Variants in A2M observed in about 807,000 individuals in gnomAD.
The protein encoded by A2M is alpha-2-macroglobulin, also known as C3 and PZP-like alpha-2-macroglobulin domain-containing protein 5.
A neutral mutation model predicts 183.9 loss-of-function variants in A2M; 128 were observed. The ratio of observed to expected loss-of-function variants is 0.70; its 90% CI spans 0.60 to 0.81. The LOEUF is 0.81. Ranked by LOEUF, A2M falls within the 30% of genes least tolerant of loss-of-function variation. The pLI, the probability that A2M is intolerant of heterozygous loss-of-function variation, is 0.00. For synonymous variants in A2M, 592 were observed against 670.8 expected (o/e 0.88, Z 1.81); for missense variants, 1,495 against 1,787.6 (o/e 0.84, Z 2.95).
intron 22 of A2M, among the ~76,000 whole-genome samples, chr12:9,084,761 G>A (rs565472302): frequency 1.4e-4 from 21 of 152,102 alleles, no homozygotes; most frequent in South Asian, 2.1e-4. Flanking sequence ...AAACAGGACC[G>A]AAACATATGC....
intron 7 of A2M, among the ~76,000 whole-genome samples, chr12:9,109,113 C>T (rs1938530619): frequency 6.6e-6 from 1 of 151,940 alleles, no homozygotes; most frequent in African/African-American, 2.4e-5. Flanking sequence ...CAGTTTCTTA[C>T]CTCATGATAG....
At chr12:9,088,151 T>A (rs226413) in intron 22 of A2M, among the ~76,000 whole-genome samples, 9,715 of 151,722 alleles carry the variant, frequency 0.064, 1,038 homozygotes, top group African/African-American at 0.22. Flanking sequence ...AAATCACACA[T>A]CCACAAACAT....
intron 16 of A2M, 135 bp downstream of exon 16, chr12:9,095,404 A>G: frequency 1.3e-6 from 1 of 796,708 alleles, no homozygotes; most frequent in Non-Finnish European, 1.9e-6. Flanking sequence ...TGCTGCTATT[A>G]GTAGAGAAGC....
At chr12:9,071,499 C>T (rs570734339) in intron 31 of A2M, among the ~76,000 whole-genome samples, 21 of 151,976 alleles carry the variant, frequency 1.4e-4, no homozygotes, top group Non-Finnish European at 2.4e-4. Flanking sequence ...TAGGTAAACT[C>T]GTGTCATGGG....
intron 17 of A2M, among the ~76,000 whole-genome samples, chr12:9,094,649 C>T (rs1949319552): frequency 6.6e-6 from 1 of 152,030 alleles, no homozygotes; most frequent in Non-Finnish European, 1.5e-5. Flanking sequence ...GTGGTTCCAA[C>T]ATAAATATTG....
chr12:9,086,109 C>T (rs980400088), intron 22 of A2M, among the ~76,000 whole-genome samples: 3 of 152,090 alleles, frequency 2.0e-5, no homozygotes, highest in Non-Finnish European at 4.4e-5. Flanking sequence ...CTGCCAAAAG[C>T]TGGAAGAGGA....
At chr12:9,101,342 A>G in intron 12 of A2M, 105 bp downstream of exon 12, 1 of 1,340,580 alleles carries the variant, frequency 7.5e-7, no homozygotes, top group Admixed American at 2.0e-5. Context: ...CAAAAGGAAC[A>G]TGGATAAGAA....
rs1182226845 is a variant in A2M at position 9,072,876 on chromosome 12, TAGAGACAGATGAGTG to T, written c.3757-20_3757-6del. The T allele has an allele frequency of 6.2e-7, 1 of 1,611,632 alleles. No individual in the cohort carries two copies. Among genetic ancestry groups the T allele is most frequent in the South Asian group, 1.1e-5 (1 of 90,940 alleles). On this transcript the variant is annotated splice_polypyrimidine_tract_variant and splice_region_variant and intron_variant, in intron 29 of 35. Coordinates refer to ENST00000318602, the MANE Select transcript of A2M (RefSeq NM_000014.6). ...ATGGAGAGCCACCACTGTGTCCTGT[TAGAGACAGATGAGTG>T]AGAGAACCCATTGGGCATTATAAGG... is the stretch of plus-strand genomic sequence containing the variant.
At chr12:9,097,059 T>C (rs1949402590) in intron 15 of A2M, among the ~76,000 whole-genome samples, 1 of 152,198 alleles carries the variant, frequency 6.6e-6, no homozygotes, top group African/African-American at 2.4e-5. Context: ...GCTTTATTAT[T>C]AATAAATAGG....
chr12:9,068,934 G>T (rs1268386708), intron 33 of A2M, 92 bp from the exon 34 acceptor site: 3 of 865,148 alleles, frequency 3.5e-6, no homozygotes, highest in Non-Finnish European at 5.3e-6. Flanking sequence ...TGGGGGAAAA[G>T]CTTTATTATC....
At chr12:9,099,347 A>G (rs1252683395) in intron 14 of A2M, 34 bp downstream of exon 14, 5 of 1,537,574 alleles carry the variant, frequency 3.3e-6, no homozygotes, top group Non-Finnish European at 4.4e-6. Context: ...TTCTAGTTTT[A>G]CATGTTGAAG....
At chr12:9,094,298 G>A (rs1949300983) in intron 17 of A2M, among the ~76,000 whole-genome samples, 1 of 138,950 alleles carries the variant, frequency 7.2e-6, no homozygotes, top group Non-Finnish European at 1.5e-5. Flanking sequence ...AGGGTGTGCT[G>A]GTCAATATTT....
chr12:9,101,333 A>G, intron 12 of A2M, 114 bp downstream of exon 12: 2 of 1,351,926 alleles, frequency 1.5e-6, no homozygotes, highest in Non-Finnish European at 2.1e-6. Flanking sequence ...TCAAACTTTC[A>G]AAAGGAACAT....
chr12:9,094,340 CATATATAT>C lies in A2M; in HGVS notation c.2125+625_2125+632del, dbSNP rs59647548. Among the ~76,000 whole-genome samples the C allele has an allele frequency of 6.1e-3, 589 of 97,032 alleles. 4 individuals carry two copies. The highest frequency in any genetic ancestry group is 0.027 in the East Asian group (72 of 2,670). 63.7% of individuals were successfully genotyped at this position (97,032 alleles called of 152,430 possible). A position where few individuals can be genotyped will look rare whatever the true frequency, so the allele number is the denominator to read the frequency against. The stretch of plus-strand genomic sequence containing the variant: ...CAGCTCTCTGGAAAAAAAAATTGTG[CATATATAT>C]ATATATATATATATATATATATATA... On this transcript the variant is annotated intron_variant, in intron 17 of 35. Coordinates refer to ENST00000318602, the MANE Select transcript of A2M (RefSeq NM_000014.6).
intron 11 of A2M, among the ~76,000 whole-genome samples, chr12:9,103,065 G>A (rs1938010105): frequency 6.6e-6 from 1 of 151,856 alleles, no homozygotes; most frequent in South Asian, 2.1e-4. Flanking sequence ...AACTTATATT[G>A]GTATGAACAG....
intron 13 of A2M, among the ~76,000 whole-genome samples, chr12:9,100,280 C>A (rs1937725229): frequency 6.6e-6 from 1 of 152,036 alleles, no homozygotes; most frequent in South Asian, 2.1e-4. Flanking sequence ...TACAACATAC[C>A]TTGAAATCGT....
chr12:9,077,235 T>C (rs776925259), intron 27 of A2M, 111 bp downstream of exon 27: 22 of 1,080,886 alleles, frequency 2.0e-5, no homozygotes, highest in Non-Finnish European at 2.8e-5. Flanking sequence ...TGGCATTGCA[T>C]AGAAAGAAAG....
Position 9,106,247 on chromosome 12 carries a change from A to G in A2M, c.1093T>C (p.Phe365Leu). ...GGAAAATACTCCACCTGCCCAAAGAAGGGAATTCCCTGTCGAAAGTGTGAG... is the reference window on the plus strand; with the variant it reads ...GGAAAATACTCCACCTGCCCAAAGAGGGGAATTCCCTGTCGAAAGTGTGAG... The part of the protein sequence containing the change: ...VDSHFRQGIP[F>L]FGQVRLVDGK... Residue 365 changes from phenylalanine (F) to leucine (L), a missense_variant, in exon 10 of 36, where the codon TTC becomes CTC. Physicochemically the swap from Phe to Leu is conservative, Grantham distance 22 (BLOSUM62 0). Transcript: ENST00000318602. 1 of 1,607,618 alleles carries G rather than the reference A, an allele frequency of 6.2e-7. No individual in the cohort carries two copies. Among genetic ancestry groups the G allele is most frequent in the Non-Finnish European group, 8.5e-7 (1 of 1,174,162 alleles).
In A2M at chr12:9,095,558, T is replaced by C; in HGVS notation, c.1994A>G (p.Asp665Gly). ...GTTTACCTCTAGGAAGCTGTACATA[T>C]CCTTTTCATTTGTACTTGATACTGG... is the stretch of plus-strand genomic sequence containing the variant. ...YTPVSSTNEKDMYSFLEDMGL... is the reference protein window; with the variant it reads ...YTPVSSTNEKGMYSFLEDMGL... The change falls in exon 16 of 36, where the codon GAT (aspartate) becomes GGT (glycine). Residue 665 changes from aspartate (D) to glycine (G), a missense_variant. Transcript: ENST00000318602. The C allele has an allele frequency of 6.2e-7, 1 of 1,612,552 alleles. No individual in the cohort carries two copies. Among genetic ancestry groups the C allele is most frequent in the Non-Finnish European group, 8.5e-7 (1 of 1,178,852 alleles).
Sources: allele counts gnomAD v4.1 joint callset (sites outside exome capture counted in the v4.1 genomes callset), GRCh38; gene constraint gnomAD v4.1.1; transcripts MANE v1.5; gene names NCBI Gene and HGNC (gene_info 2026-07-23, HGNC 2026-07-21).